RHBDL3: variants seen among roughly 807,000 people sequenced by gnomAD.
The protein encoded by RHBDL3 is rhomboid-related protein 3.
Under a neutral mutation model 48.2 loss-of-function variants are expected in RHBDL3, and 28 were observed. The ratio of observed to expected loss-of-function variants is 0.58; its 90% confidence interval spans 0.43 to 0.80. The LOEUF is 0.80. RHBDL3 is among the 30% of genes least tolerant of loss of function. RHBDL3 has a pLI of 0.00. For missense variants in RHBDL3, 464 were observed against 542.7 expected, an observed-to-expected ratio of 0.85 and a Z score of 1.44; for synonymous variants, 208 against 232.3, an observed-to-expected ratio of 0.90 and a Z score of 0.95.
At chr17:32,267,151 C>A (rs989076674) in intron 1 of RHBDL3, among the ~76,000 whole-genome samples, 1 of 152,186 alleles carries the variant, frequency 6.6e-6, no homozygotes, top group African/African-American at 2.4e-5. Flanking sequence ...AGGCCCCCAA[C>A]CCACACAACG....
At chr17:32,303,186 T>C (rs1182550396) in intron 6 of RHBDL3, among the ~76,000 whole-genome samples, 5 of 152,174 alleles carry the variant, frequency 3.3e-5, no homozygotes, top group Non-Finnish European at 2.9e-5. Flanking sequence ...CATCCCTGCC[T>C]GGGGCTGCCC....
At chr17:32,271,610 TC>T (rs2039777099) in intron 2 of RHBDL3, among the ~76,000 whole-genome samples, 1 of 152,198 alleles carries the variant, frequency 6.6e-6, no homozygotes, top group Non-Finnish European at 1.5e-5. Flanking sequence ...GTTGGAAAAG[TC>T]ATTTCCAGGT....
intron 2 of RHBDL3, among the ~76,000 whole-genome samples, chr17:32,274,796 A>G (rs1167472985): frequency 8.3e-6 from 1 of 121,126 alleles, no homozygotes; most frequent in African/African-American, 3.4e-5. Flanking sequence ...ATGTGTATAT[A>G]TGTGTGCACG....
chr17:32,270,166 C>T (rs948617855), intron 2 of RHBDL3, among the ~76,000 whole-genome samples: 6 of 144,746 alleles, frequency 4.1e-5, no homozygotes, highest in Non-Finnish European at 9.0e-5. Context: ...AAGAAGCAAG[C>T]AACCCTGATA....
chr17:32,296,708 A>G (rs373239255), intron 5 of RHBDL3, among the ~76,000 whole-genome samples: 2 of 152,042 alleles, frequency 1.3e-5, no homozygotes, highest in Middle Eastern at 3.2e-3. Flanking sequence ...TTATTAAGTT[A>G]TAAGATGTAT....
rs1002566185 is a variant in RHBDL3 at position 32,275,455 on chromosome 17, C to G, written c.135+7530C>G. Among the ~76,000 whole-genome samples, 9 of 152,120 alleles carry G rather than the reference C, an allele frequency of 5.9e-5. No homozygotes were observed. The South Asian group carries it at 1.9e-3, about 31-fold the overall frequency. ...AGGAGGAGAAGGGGCTGCAGGAGTC[C>G]CCCAGGGGCGGGAAGGAATAGGCCC... On this transcript the variant is annotated intron_variant, in intron 2 of 8. Transcript: ENST00000269051.
At chr17:32,282,778 A>T (rs2040086614) in intron 2 of RHBDL3, among the ~76,000 whole-genome samples, 1 of 152,038 alleles carries the variant, frequency 6.6e-6, no homozygotes, top group Admixed American at 6.5e-5. Flanking sequence ...GCCTGCAACC[A>T]CGCCCGGCTA....
At position 32,322,423 on chromosome 17, in the gene RHBDL3, T is replaced by G. The variant is rs141988744; in HGVS notation, c.*1194T>G. The G allele has an allele frequency of 6.6e-6, 1 of 152,300 alleles. No individual in the cohort carries two copies. The highest frequency in any genetic ancestry group is 1.5e-5 in the Non-Finnish European group (1 of 68,124). The allele number at this position is 152,300 out of a possible 1,614,324, so 9.4% of individuals were successfully genotyped here. A position where few individuals can be genotyped will look rare whatever the true frequency, so the allele number is the denominator to read the frequency against. ...TCCCTGGATGCTGAGGTTTGCCAGG[T>G]TCAGCTCTTGTTTCCGTCTGAGATG... is the stretch of plus-strand genomic sequence containing the variant. On this transcript the variant is annotated 3_prime_UTR_variant, in exon 9 of 9. Coordinates refer to ENST00000269051, the MANE Select transcript of RHBDL3 (RefSeq NM_138328.3).
intron 8 of RHBDL3, among the ~76,000 whole-genome samples, chr17:32,319,479 T>C (rs2041061295): frequency 6.6e-6 from 1 of 150,464 alleles, no homozygotes; most frequent in African/African-American, 2.5e-5. Flanking sequence ...TAAAATGCTG[T>C]ATCGGAGTTG....
intron 7 of RHBDL3, among the ~76,000 whole-genome samples, chr17:32,313,277 G>A (rs2040887217): frequency 6.6e-6 from 1 of 152,154 alleles, no homozygotes; most frequent in Non-Finnish European, 1.5e-5. Flanking sequence ...GATTACTTGA[G>A]CCCAGGAGTT....
chr17:32,305,762 C>CA, intron 7 of RHBDL3, among the ~76,000 whole-genome samples: 1 of 151,334 alleles, frequency 6.6e-6, no homozygotes, highest in South Asian at 2.1e-4. Context: ...ACTAAAAATA[C>CA]AAAAAATTAG....
intron 7 of RHBDL3, among the ~76,000 whole-genome samples, chr17:32,307,304 G>C (rs2040733725): frequency 6.6e-6 from 1 of 152,170 alleles, no homozygotes; most frequent in African/African-American, 2.4e-5. Context: ...GCTTTTCTTT[G>C]GGGTCCTCCT....
Position 32,289,006 on chromosome 17 carries a change from C to G in RHBDL3, c.509C>G (p.Thr170Arg). The change falls in exon 4 of 9, where the codon ACG (threonine) becomes AGG (arginine). Residue 170 changes from threonine (T) to arginine (R), a missense_variant. Physicochemically the swap from Thr to Arg is moderately conservative, Grantham distance 71 (BLOSUM62 -1). Transcript: ENST00000269051. ...CCACCCTGGTTCATGATCACAGTCA[C>G]GCTGCTGGAGGCAAGGACAAGGGTG... ...CPPPWFMITVTLLEVAFFLYN... is the reference protein window; with the variant it reads ...CPPPWFMITVRLLEVAFFLYN... 6.2e-7 allele frequency: 1 copy of G among 1,614,046 alleles called. No individual in the cohort carries two copies. Among genetic ancestry groups the G allele is most frequent in the Non-Finnish European group, 8.5e-7 (1 of 1,179,962 alleles).
At chr17:32,266,565 C>T (rs895062126) in intron 1 of RHBDL3, among the ~76,000 whole-genome samples, 2 of 152,170 alleles carry the variant, frequency 1.3e-5, no homozygotes, top group African/African-American at 4.8e-5. Flanking sequence ...CGCCGGAGCC[C>T]CCTCCCCGCC....
At position 32,288,987 on chromosome 17, in the gene RHBDL3, T is replaced by G; in HGVS notation, c.490T>G (p.Trp164Gly). Residue 164 changes from tryptophan (W) to glycine (G), a missense_variant, in exon 4 of 9, where the codon TGG (tryptophan) becomes GGG (glycine). Physicochemically the swap from Trp to Gly is radical, Grantham distance 184. Coordinates refer to ENST00000269051, the MANE Select transcript of RHBDL3 (RefSeq NM_138328.3). ...YDSYTCCPPP[W>G]FMITVTLLEV... is the part of the protein sequence containing the mutation. ...CAGCTACACCTGCTGCCCCCCACCCTGGTTCATGATCACAGTCACGCTGCT... is the reference window on the plus strand; with the variant it reads ...CAGCTACACCTGCTGCCCCCCACCCGGGTTCATGATCACAGTCACGCTGCT... The G allele has an allele frequency of 1.9e-6, 3 of 1,613,988 alleles. No individual in the cohort carries two copies. Among genetic ancestry groups the G allele is most frequent in the Non-Finnish European group, 1.7e-6 (2 of 1,179,978 alleles).
Position 32,298,125 on chromosome 17 carries a change from G to C in RHBDL3, c.702G>C (p.Gln234His). The change falls in exon 6 of 9, where the codon CAG becomes CAC. Residue 234 changes from glutamine to histidine, a missense_variant. By Grantham distance (24) the Gln-to-His change is conservative. Coordinates refer to ENST00000269051, the MANE Select transcript of RHBDL3 (RefSeq NM_138328.3). ...ACCTGGGACTCAATGTGGTGCTGCA[G>C]CTGCTGGTGGGGGTGCCCCTGGAGA... is the stretch of plus-strand genomic sequence containing the variant. ...IEHLGLNVVLQLLVGVPLEMV... is the reference protein window; with the variant it reads ...IEHLGLNVVLHLLVGVPLEMV... The C allele has an allele frequency of 6.2e-7, 1 of 1,614,100 alleles. No homozygotes were observed. Among genetic ancestry groups the C allele is most frequent in the Non-Finnish European group, 8.5e-7 (1 of 1,179,930 alleles).
At chr17:32,315,997 C>A (rs118183048) in intron 7 of RHBDL3, among the ~76,000 whole-genome samples, 1,856 of 152,062 alleles carry the variant, frequency 0.012, 15 homozygotes, top group Middle Eastern at 0.02. Context: ...CTCTCCTCTT[C>A]CTAGATCTGG....
rs761531838 is a variant in RHBDL3 at position 32,321,289 on chromosome 17, C to T, written c.*60C>T. The T allele has an allele frequency of 9.3e-6, 15 of 1,608,392 alleles. No homozygotes were observed. Among genetic ancestry groups the T allele is most frequent in the Admixed American group, 6.7e-5 (4 of 59,354 alleles). On this transcript the variant is annotated 3_prime_UTR_variant, in exon 9 of 9. Transcript: ENST00000269051. ...AAGCAGCACCCACAGGGAGCGCCTGCGAGGTTTCTTCTCATCACCAGCTCA... is the reference window on the plus strand; with the variant it reads ...AAGCAGCACCCACAGGGAGCGCCTGTGAGGTTTCTTCTCATCACCAGCTCA...
Position 32,284,419 on chromosome 17 carries a change from CTCAGTTTCCTTATCCACG to C in RHBDL3, c.136-238_136-221del, listed in dbSNP as rs2040145247. On this transcript the variant is annotated intron_variant, in intron 2 of 8. Transcript: ENST00000269051. The stretch of plus-strand genomic sequence containing the variant: ...AGGAGGCGGTTTAACCTCTCTGAGC[CTCAGTTTCCTTATCCACG>C]TGAGATGGTTGGATTGGGTGATCCT... The C allele has an allele frequency of 8.5e-6, 4 of 469,666 alleles. No homozygotes were observed. In the South Asian group the frequency reaches 1.4e-4, roughly 16 times the overall value. 29.1% of individuals were successfully genotyped at this position (469,666 alleles called of 1,614,324 possible).
Sources: allele counts gnomAD v4.1 joint callset (sites outside exome capture counted in the v4.1 genomes callset), GRCh38; gene constraint gnomAD v4.1.1; transcripts MANE v1.5; gene names NCBI Gene and HGNC (gene_info 2026-07-23, HGNC 2026-07-21).